ARL15: variants seen among roughly 807,000 people sequenced by gnomAD.
ARL15 encodes ADP-ribosylation factor-like protein 15.
In ARL15, 19 loss-of-function variants were observed where a neutral mutation model predicts 25.2. That is an observed-to-expected ratio of 0.75 (90% CI 0.53 to 1.10). The LOEUF (loss-of-function observed/expected upper bound fraction) is 1.10, where lower values mean the gene tolerates loss of function less well. Ranked by LOEUF, ARL15 falls within the 50% of genes least tolerant of loss-of-function variation. The probability of loss-of-function intolerance (pLI) is 0.00; values close to 1 mark genes in which losing one functional copy is unlikely to be tolerated. For synonymous variants in ARL15, 94 were observed against 86.8 expected (o/e 1.08, Z -0.46); for missense variants, 220 against 246.0 (o/e 0.89, Z 0.71).
chr5:54,215,625 A>AG (rs200228180), intron 1 of ARL15, among the ~76,000 whole-genome samples: 17 of 65,392 alleles, frequency 2.6e-4, no homozygotes, highest in Middle Eastern at 0.011. Context: ...CGAAGGGGGG[A>AG]GGGGGGGAAA....
At chr5:54,036,962 T>C (rs184215059) in intron 4 of ARL15, among the ~76,000 whole-genome samples, 1,958 of 152,226 alleles carry the variant, frequency 0.013, 37 homozygotes, top group Admixed American at 0.017. Context: ...CGATTCATCA[T>C]ATATAAGGAA....
At chr5:54,096,341 T>C (rs1365452211) in intron 4 of ARL15, among the ~76,000 whole-genome samples, 1 of 152,194 alleles carries the variant, frequency 6.6e-6, no homozygotes, top group Non-Finnish European at 1.5e-5. Flanking sequence ...ACACAATAAG[T>C]GTGCAAAAAA....
chr5:54,029,049 G>A (rs529133233), intron 4 of ARL15, among the ~76,000 whole-genome samples: 5 of 151,742 alleles, frequency 3.3e-5, no homozygotes, highest in Admixed American at 6.6e-5. Flanking sequence ...AAATTACGAA[G>A]AATTCATGGT....
At chr5:54,248,722 T>TA (rs11396750) in intron 1 of ARL15, among the ~76,000 whole-genome samples, 100,818 of 152,104 alleles carry the variant, frequency 0.66, 34,498 homozygotes, top group Non-Finnish European at 0.75. Flanking sequence ...AGGTGTTCTT[T>TA]AATATTTGCT....
intron 3 of ARL15, among the ~76,000 whole-genome samples, chr5:54,131,242 T>A (rs1753422092): frequency 6.6e-6 from 1 of 152,204 alleles, no homozygotes; most frequent in South Asian, 2.1e-4. Context: ...CATTCAAGGC[T>A]CTTGATGATT....
chr5:54,222,506 G>C (rs1279913746), intron 1 of ARL15, among the ~76,000 whole-genome samples: 1 of 152,180 alleles, frequency 6.6e-6, no homozygotes, highest in Non-Finnish European at 1.5e-5. Context: ...TCTCGTCTAG[G>C]TTAACACTGA....
At chr5:54,232,106 AC>A (rs540552256) in intron 1 of ARL15, among the ~76,000 whole-genome samples, 16 of 152,050 alleles carry the variant, frequency 1.1e-4, no homozygotes, top group Admixed American at 5.2e-4. Context: ...TGCTTAACTA[AC>A]CCCTCACTCT....
intron 1 of ARL15, among the ~76,000 whole-genome samples, chr5:54,268,113 C>T (rs1279291282): frequency 3.9e-5 from 6 of 152,076 alleles, no homozygotes; most frequent in Non-Finnish European, 5.9e-5. Flanking sequence ...ACCAATCAGA[C>T]GTAGATTTGG....
At chr5:54,137,106 CA>C (rs1753629344) in intron 3 of ARL15, among the ~76,000 whole-genome samples, 1 of 150,042 alleles carries the variant, frequency 6.7e-6, no homozygotes, top group South Asian at 2.1e-4. Context: ...AATGTTCAAA[CA>C]GTGCAACAGC....
At chr5:54,228,392 T>C (rs992689201) in intron 1 of ARL15, among the ~76,000 whole-genome samples, 10 of 152,140 alleles carry the variant, frequency 6.6e-5, no homozygotes, top group Admixed American at 5.2e-4. Context: ...GGGGGTAGAA[T>C]AGGTTCAATA....
At chr5:54,212,265 T>G (rs1170353765) in intron 1 of ARL15, among the ~76,000 whole-genome samples, 1 of 152,170 alleles carries the variant, frequency 6.6e-6, no homozygotes, top group East Asian at 1.9e-4. Flanking sequence ...AAATGAGACT[T>G]AATTAAAAAG....
At chr5:53,991,917 T>C (rs1561179773) in intron 4 of ARL15, among the ~76,000 whole-genome samples, 1 of 152,176 alleles carries the variant, frequency 6.6e-6, no homozygotes, top group Non-Finnish European at 1.5e-5. Flanking sequence ...TACTTATAAA[T>C]TGAAAGAAAA....
chr5:53,991,561 A>AAAAAGGGG (rs1388513035), intron 4 of ARL15, among the ~76,000 whole-genome samples: 1 of 92,070 alleles, frequency 1.1e-5, no homozygotes, highest in African/African-American at 3.8e-5. Flanking sequence ...AAAAAAAAAA[A>AAAAAGGGG]GGGGGGGCGG....
At chr5:53,934,951 T>A (rs933150348) in intron 4 of ARL15, among the ~76,000 whole-genome samples, 1 of 152,118 alleles carries the variant, frequency 6.6e-6, no homozygotes, top group African/African-American at 2.4e-5. Flanking sequence ...TTAGGCTAAT[T>A]ATGCAGAAAA....
chr5:54,118,964 A>G (rs1020704906), intron 3 of ARL15, among the ~76,000 whole-genome samples: 4 of 152,186 alleles, frequency 2.6e-5, no homozygotes, highest in South Asian at 2.1e-4. Context: ...CTGGATGTCT[A>G]TGTGACTCCA....
At chr5:54,162,736 G>A (rs1754444216) in intron 2 of ARL15, among the ~76,000 whole-genome samples, 1 of 152,078 alleles carries the variant, frequency 6.6e-6, no homozygotes, top group African/African-American at 2.4e-5. Context: ...GTTTCTGATA[G>A]TTTTTCAGAT....
intron 4 of ARL15, among the ~76,000 whole-genome samples, chr5:54,107,357 A>G (rs1257638611): frequency 6.6e-6 from 1 of 152,208 alleles, no homozygotes; most frequent in Non-Finnish European, 1.5e-5. Flanking sequence ...TGAGTGGTAC[A>G]TAAGCATAAG....
At chr5:53,914,137 C>CCACACACACACACACA (rs3842045) in intron 4 of ARL15, among the ~76,000 whole-genome samples, 3 of 148,572 alleles carry the variant, frequency 2.0e-5, no homozygotes, top group African/African-American at 7.4e-5. Context: ...GTGCACAGGC[C>CCACACACACACACACA]CACACACACA....
Position 53,947,170 on chromosome 5 carries a change from GTGTGTGTGTGTGTGTGT to G in ARL15, c.463-60474_463-60458del, listed in dbSNP as rs1746771549. Reference sequence around the variant, plus strand: ...GCCAAAGAGAAAAATAAATAAGGGTGTGTGTGTGTGTGTGTGTGTGTGTGTGTGTGTGTGTGTGTGTG... The same window carrying G: ...GCCAAAGAGAAAAATAAATAAGGGTGGTGTGTGTGTGTGTGTGTGTGTGTG... On this transcript the variant is annotated intron_variant, in intron 4 of 4. Transcript: ENST00000504924. Among the ~76,000 whole-genome samples, 4 of 45,434 alleles carry G rather than the reference GTGTGTGTGTGTGTGTGT, an allele frequency of 8.8e-5. No individual in the cohort carries two copies. The South Asian group carries it at 1.6e-3, about 18-fold the overall frequency. 29.8% of individuals were successfully genotyped at this position (45,434 alleles called of 152,430 possible).
Sources: gnomAD v4.1 joint callset for allele counts (sites outside exome capture counted in the v4.1 genomes callset) on GRCh38, gnomAD v4.1.1 for gene constraint, MANE v1.5 for transcripts, NCBI Gene and HGNC (gene_info 2026-07-23, HGNC 2026-07-21) for gene names.